Variants in BCL11B observed in about 807,000 individuals in gnomAD.
BCL11B encodes the protein BCL11 transcription factor B.
BCL11B carries 8 observed loss-of-function variants against 49.9 expected under a neutral mutation model. The observed-to-expected ratio is 0.16, with a 90% CI of 0.09 to 0.29. BCL11B has a LOEUF of 0.29. Among genes scored for constraint, BCL11B ranks in the 10% least tolerant of loss-of-function variants. The probability of loss-of-function intolerance (pLI) is 1.00; values close to 1 mark genes in which losing one functional copy is unlikely to be tolerated. For synonymous variants in BCL11B, 739 were observed against 637.4 expected (o/e 1.16, Z -2.40); for missense variants, 1,006 against 1,351.0 (o/e 0.74, Z 4.00).
chr14:99,271,340 C>T lies in BCL11B; in HGVS notation c.-122G>A. On this transcript the variant is annotated 5_prime_UTR_variant, in exon 1 of 4. Transcript: ENST00000357195. ...GCCGCCGCCGCCGCCGCCGCCGCAC[C>T]TCCTCCTCTGCCCGGGTTGGTGTTT... is the stretch of plus-strand genomic sequence containing the variant. 1.7e-6 allele frequency: 1 copy of T among 601,122 alleles called. No homozygotes were observed. 37.2% of individuals were successfully genotyped at this position (601,122 alleles called of 1,614,324 possible).
In BCL11B at chr14:99,200,507, G is replaced by A. The variant is rs187036739; in HGVS notation, c.641-24312C>T. ...ATCTGGAAGCCCTCCAACCACGACAGGCCTCCTCTGGGGGCCTGGGCATCT... is the reference window on the plus strand; with the variant it reads ...ATCTGGAAGCCCTCCAACCACGACAAGCCTCCTCTGGGGGCCTGGGCATCT... On this transcript the variant is annotated intron_variant, in intron 3 of 3. Transcript: ENST00000357195. 1.5e-3 allele frequency among the ~76,000 whole-genome samples: 227 copies of A among 152,368 alleles called. 2 individuals carry two copies. Among genetic ancestry groups the A allele is most frequent in the Admixed American group, 4.0e-3 (61 of 15,312 alleles).
rs191123448 is a variant in BCL11B at position 99,263,920 on chromosome 14, A to G, written c.59-6081T>C. Reference sequence around the variant, plus strand: ...CAGCCATTACTAAAAGGTTACAAATAAAAGTCTTGACAAATAAAATAGGCG... The same window carrying G: ...CAGCCATTACTAAAAGGTTACAAATGAAAGTCTTGACAAATAAAATAGGCG... On this transcript the variant is annotated intron_variant, in intron 1 of 3. Coordinates refer to ENST00000357195, the MANE Select transcript of BCL11B (RefSeq NM_138576.4). 1.0e-4 allele frequency among the ~76,000 whole-genome samples: 16 copies of G among 152,382 alleles called. No individual in the cohort carries two copies. The East Asian group carries it at 2.9e-3, about 28-fold the overall frequency.
At chr14:99,200,382 C>T (rs1257436) in intron 3 of BCL11B, among the ~76,000 whole-genome samples, 100,450 of 152,140 alleles carry the variant, frequency 0.66, 33,455 homozygotes, top group South Asian at 0.71. Context: ...GGCCAAGTGC[C>T]AAGAAGCCAA....
chr14:99,256,705 C>T (rs528886851), intron 2 of BCL11B, among the ~76,000 whole-genome samples: 41 of 152,192 alleles, frequency 2.7e-4, no homozygotes, highest in Non-Finnish European at 5.6e-4. Flanking sequence ...AGCAGACCCA[C>T]GCCTGGGGAC....
intron 3 of BCL11B, among the ~76,000 whole-genome samples, chr14:99,196,742 C>T (rs914828138): frequency 5.3e-5 from 8 of 152,314 alleles, no homozygotes; most frequent in South Asian, 4.1e-4. Flanking sequence ...ACCTTGCAAA[C>T]GGAACAGGAG....
intron 3 of BCL11B, among the ~76,000 whole-genome samples, chr14:99,204,253 G>A (rs1228953838): frequency 2.0e-5 from 3 of 152,166 alleles, no homozygotes; most frequent in Non-Finnish European, 4.4e-5. Flanking sequence ...TGGGCCTCTG[G>A]GGAAGTCTGT....
rs757337287 is a variant in BCL11B at position 99,175,293 on chromosome 14, C to T, written c.1543G>A (p.Gly515Ser). Residue 515 changes from glycine to serine, a missense_variant, in exon 4 of 4, where the codon GGT (glycine) becomes AGT (serine). Around this residue, in one of 6 missense-constraint regions of BCL11B, gnomAD observed 443 missense variants for 499.7 expected, o/e 0.89. Transcript: ENST00000357195. Reference sequence around the variant, plus strand: ...TCGCTCTCGTGGTGGCGGAAGTCACCGTCGGCCGCCTTGAGGCCCTCGCCC... The same window carrying T: ...TCGCTCTCGTGGTGGCGGAAGTCACTGTCGGCCGCCTTGAGGCCCTCGCCC... ...LAGEGLKAAD[G>S]DFRHHESDPS... is the part of the protein sequence containing the mutation. 8 of 1,539,616 alleles carry T rather than the reference C, an allele frequency of 5.2e-6. No homozygotes were observed. Among genetic ancestry groups the T allele is most frequent in the Admixed American group, 1.9e-5 (1 of 51,416 alleles).
At chr14:99,216,583 T>G (rs1887841421) in intron 3 of BCL11B, among the ~76,000 whole-genome samples, 1 of 152,094 alleles carries the variant, frequency 6.6e-6, no homozygotes, top group Non-Finnish European at 1.5e-5. Context: ...CAGGAGGTAC[T>G]AAGAAGGTGA....
At chr14:99,266,388 C>T (rs748533510) in intron 1 of BCL11B, among the ~76,000 whole-genome samples, 3 of 152,046 alleles carry the variant, frequency 2.0e-5, no homozygotes, top group Admixed American at 2.0e-4. Context: ...GCCTTAATAA[C>T]GCAGCAGAAT....
chr14:99,258,278 A>G (rs1889233871), intron 1 of BCL11B, among the ~76,000 whole-genome samples: 1 of 152,164 alleles, frequency 6.6e-6, no homozygotes, highest in Admixed American at 6.5e-5. Flanking sequence ...AGCACCCCTG[A>G]CCAGTTACAC....
chr14:99,194,280 C>T lies in BCL11B; in HGVS notation c.641-18085G>A, dbSNP rs1339378440. On this transcript the variant is annotated intron_variant, in intron 3 of 3. Transcript: ENST00000357195. This position sits in a 1 kb window ranked among gnomAD's most constrained non-coding sequence, Gnocchi z 4.6. ...GTCCCCCAGCAGCAGAAGTCACAGT[C>T]AGCAAACCGCCAAGGCCTTCCCCGG... 6.6e-6 allele frequency among the ~76,000 whole-genome samples: 1 copy of T among 152,168 alleles called. No individual in the cohort carries two copies. The highest frequency in any genetic ancestry group is 1.5e-5 in the Non-Finnish European group (1 of 68,042).
intron 2 of BCL11B, among the ~76,000 whole-genome samples, chr14:99,252,511 C>G (rs1480944946): frequency 6.6e-6 from 1 of 152,246 alleles, no homozygotes; most frequent in Non-Finnish European, 1.5e-5. Flanking sequence ...TTTTGCTTAG[C>G]AATGGGTCAC....
At chr14:99,204,258 G>A (rs1887470236) in intron 3 of BCL11B, among the ~76,000 whole-genome samples, 2 of 152,196 alleles carry the variant, frequency 1.3e-5, no homozygotes, top group South Asian at 4.1e-4. Flanking sequence ...CTCTGGGGAA[G>A]TCTGTGGACT....
intron 2 of BCL11B, among the ~76,000 whole-genome samples, chr14:99,254,165 C>G (rs1482513758): frequency 6.6e-6 from 1 of 152,190 alleles, no homozygotes; most frequent in Non-Finnish European, 1.5e-5. Context: ...GGAGGATGGG[C>G]CCCAGGTGCT....
Position 99,265,022 on chromosome 14 carries a change from A to G in BCL11B, c.58+6139T>C, listed in dbSNP as rs1889441583. Among the ~76,000 whole-genome samples, 11 of 152,292 alleles carry G rather than the reference A, an allele frequency of 7.2e-5. 1 individual carries two copies. The South Asian group carries it at 2.3e-3, about 32-fold the overall frequency. On this transcript the variant is annotated intron_variant, in intron 1 of 3. Transcript: ENST00000357195. Reference sequence around the variant, plus strand: ...AGTGGGATCAGGGAGTAGGGACAGGACAGAGCACACAGGACCTCAGGCCAA... The same window carrying G: ...AGTGGGATCAGGGAGTAGGGACAGGGCAGAGCACACAGGACCTCAGGCCAA...
rs570279057 is a variant in BCL11B at position 99,241,767 on chromosome 14, C to A, written c.428-10210G>T. Among the ~76,000 whole-genome samples, 1 of 151,742 alleles carries A rather than the reference C, an allele frequency of 6.6e-6. No homozygotes were observed. Among genetic ancestry groups the A allele is most frequent in the Non-Finnish European group, 1.5e-5 (1 of 67,982 alleles). On this transcript the variant is annotated intron_variant, in intron 2 of 3. Transcript: ENST00000357195. This position sits in a 1 kb window ranked among gnomAD's most constrained non-coding sequence, Gnocchi z 4.4. ...AAAACATCAGTGTCACTAAAAAAAA[C>A]GTCACTCTGTTTTGCAAAATCCAGC... is the stretch of plus-strand genomic sequence containing the variant.
At position 99,247,802 on chromosome 14, in the gene BCL11B, C is replaced by T. The variant is rs539723096; in HGVS notation, c.427+9669G>A. ...TTCATCTTCAGCAGACGCTGACCCA[C>T]GCACCTGTTTGCCTGCACCTTTGAG... On this transcript the variant is annotated intron_variant, in intron 2 of 3. Coordinates refer to ENST00000357195, the MANE Select transcript of BCL11B (RefSeq NM_138576.4). This position sits in a 1 kb window ranked among gnomAD's most constrained non-coding sequence, Gnocchi z 4.5. 2.0e-5 allele frequency among the ~76,000 whole-genome samples: 3 copies of T among 152,324 alleles called. No individual in the cohort carries two copies. Among genetic ancestry groups the T allele is most frequent in the East Asian group, 3.9e-4 (2 of 5,164 alleles).
At chr14:99,266,107 C>T (rs1029075064) in intron 1 of BCL11B, among the ~76,000 whole-genome samples, 1 of 152,182 alleles carries the variant, frequency 6.6e-6, no homozygotes, top group African/African-American at 2.4e-5. Context: ...CATACTCTTT[C>T]CAAACAAAGT....
At position 99,255,943 on chromosome 14, in the gene BCL11B, C is replaced by G. The variant is rs185645635; in HGVS notation, c.427+1528G>C. Among the ~76,000 whole-genome samples, 1,225 of 152,380 alleles carry G rather than the reference C, an allele frequency of 8.0e-3. 24 individuals are homozygous for G. Among genetic ancestry groups the G allele is most frequent in the Non-Finnish European group, 0.012 (785 of 68,040 alleles). ...CAGAAGGCAAGGCCCAGAGGCCAATCTGGTTCACTGATGTCTCCCCAGTGC... is the reference window on the plus strand; with the variant it reads ...CAGAAGGCAAGGCCCAGAGGCCAATGTGGTTCACTGATGTCTCCCCAGTGC... On this transcript the variant is annotated intron_variant, in intron 2 of 3. Coordinates refer to ENST00000357195, the MANE Select transcript of BCL11B (RefSeq NM_138576.4).
Sources: gnomAD v4.1 joint callset for allele counts (sites outside exome capture counted in the v4.1 genomes callset) on GRCh38, gnomAD v4.1.1 for gene constraint, gnomAD v4.1.1 regional missense constraint, Gnocchi (gnomAD v3.1) non-coding constraint, MANE v1.5 for transcripts, NCBI Gene and HGNC (gene_info 2026-07-23, HGNC 2026-07-21) for gene names.